PLCG2: variants seen among roughly 807,000 people sequenced by gnomAD.
PLCG2 encodes phospholipase C gamma 2, also known as 1-phosphatidylinositol 4,5-bisphosphate phosphodiesterase gamma-2.
PLCG2 carries 69 observed loss-of-function variants against 175.6 expected under a neutral mutation model. That is an observed-to-expected ratio of 0.39 (90% CI 0.32 to 0.48). The LOEUF is 0.48. Among genes scored for constraint, PLCG2 ranks in the 20% least tolerant of loss-of-function variants. The pLI, the probability that PLCG2 is intolerant of heterozygous loss-of-function variation, is 0.91. For missense variants in PLCG2, 1,798 were observed against 1,650.9 expected (o/e 1.09, Z -1.54); for synonymous variants, 827 against 624.0 (o/e 1.33, Z -4.85).
chr16:81,848,800 A>G (rs149020018), intron 2 of PLCG2, among the ~76,000 whole-genome samples: 37 of 152,290 alleles, frequency 2.4e-4, no homozygotes, highest in Non-Finnish European at 4.4e-4. Flanking sequence ...CTTACAGTCT[A>G]GGAAAGGAGG....
chr16:81,891,575 C>T lies in PLCG2; in HGVS notation c.971C>T (p.Ser324Phe). ...MNNPLSHYWI[S>F]SSHNTYLTGD... Reference sequence around the variant, plus strand: ...AACCCCCTGTCTCATTACTGGATCTCCTCGTCACATAACACGTGAGTTTCA... The same window carrying T: ...AACCCCCTGTCTCATTACTGGATCTTCTCGTCACATAACACGTGAGTTTCA... The change falls in exon 11 of 33, where the codon TCC (serine) becomes TTC (phenylalanine). Residue 324 changes from serine (S) to phenylalanine (F), a missense_variant. Coordinates refer to ENST00000564138, the MANE Select transcript of PLCG2 (RefSeq NM_002661.5). 6.3e-7 allele frequency: 1 copy of T among 1,584,644 alleles called. No homozygotes were observed. Among genetic ancestry groups the T allele is most frequent in the Non-Finnish European group, 8.7e-7 (1 of 1,153,380 alleles).
intron 25 of PLCG2, among the ~76,000 whole-genome samples, chr16:81,933,367 C>T (rs968420432): frequency 1.3e-5 from 2 of 152,166 alleles, no homozygotes; most frequent in African/African-American, 4.8e-5. Flanking sequence ...CGGATAAACT[C>T]TTTGTCACTG....
At chr16:81,770,314 T>C (rs1358853571) in intron 2 of PLCG2, among the ~76,000 whole-genome samples, 1 of 152,188 alleles carries the variant, frequency 6.6e-6, no homozygotes, top group Non-Finnish European at 1.5e-5. Flanking sequence ...TGAAACAGTT[T>C]TAGTTTTCTA....
intron 13 of PLCG2, among the ~76,000 whole-genome samples, chr16:81,899,076 C>A (rs1302464545): frequency 6.6e-6 from 1 of 152,090 alleles, no homozygotes; most frequent in African/African-American, 2.4e-5. Flanking sequence ...GTAATCTCAG[C>A]TACTCAGGAG....
At chr16:81,872,009 A>G (rs1021190879) in intron 7 of PLCG2, among the ~76,000 whole-genome samples, 2 of 152,206 alleles carry the variant, frequency 1.3e-5, no homozygotes, top group African/African-American at 4.8e-5. Flanking sequence ...TTACATCAGG[A>G]GTCAGGTCTG....
At chr16:81,880,674 A>C (rs938958992) in intron 7 of PLCG2, among the ~76,000 whole-genome samples, 2 of 152,230 alleles carry the variant, frequency 1.3e-5, no homozygotes, top group Admixed American at 6.5e-5. Flanking sequence ...TGAAATGCTT[A>C]AGGGTGACTG....
intron 2 of PLCG2, among the ~76,000 whole-genome samples, chr16:81,814,123 G>C (rs1904435593): frequency 6.6e-6 from 1 of 152,176 alleles, no homozygotes; most frequent in African/African-American, 2.4e-5. Context: ...ACCCAGGCTG[G>C]GGTCTGTGTG....
rs778393498 is a variant in PLCG2 at position 81,854,478 on chromosome 16, G to A, written c.228G>A (p.Gly76=). The A allele has an allele frequency of 3.7e-6, 6 of 1,614,004 alleles. No homozygotes were observed. In the South Asian group the frequency reaches 5.5e-5, roughly 15 times the overall value. The change falls in exon 3 of 33, where the codon GGG becomes GGA. Residue 76 remains glycine, a synonymous_variant. Coordinates refer to ENST00000564138, the MANE Select transcript of PLCG2 (RefSeq NM_002661.5). Reference sequence around the variant, plus strand: ...TGGAAATAAAAGAAATCCGCCCAGGGAAGAACTCCAAAGATTTCGAGCGAG... The same window carrying A: ...TGGAAATAAAAGAAATCCGCCCAGGAAAGAACTCCAAAGATTTCGAGCGAG... ...DIMEIKEIRP[G]KNSKDFERAK...
At chr16:81,928,659 C>G (rs931308952) in intron 24 of PLCG2, 35 bp downstream of exon 24, 2 of 1,437,132 alleles carry the variant, frequency 1.4e-6, no homozygotes, top group African/African-American at 1.4e-5. Context: ...TGGATTTCCA[C>G]CCCTATCCCC....
chr16:81,948,677 C>T (rs751479515), intron 31 of PLCG2, among the ~76,000 whole-genome samples: 7 of 152,114 alleles, frequency 4.6e-5, no homozygotes, highest in South Asian at 2.1e-4. Flanking sequence ...GAAAGATTTC[C>T]TTACACCTGG....
chr16:81,899,424 C>T (rs1160426737), intron 13 of PLCG2, among the ~76,000 whole-genome samples: 1 of 151,990 alleles, frequency 6.6e-6, no homozygotes, highest in African/African-American at 2.4e-5. Flanking sequence ...TTGGTGGATT[C>T]TACTTGCTAA....
chr16:81,921,880 T>C (rs1423120093), intron 21 of PLCG2, among the ~76,000 whole-genome samples: 1 of 152,218 alleles, frequency 6.6e-6, no homozygotes, highest in South Asian at 2.1e-4. Context: ...TTTTCAAAAA[T>C]TTATAATCCA....
At chr16:81,884,335 A>T (rs575635719) in intron 9 of PLCG2, among the ~76,000 whole-genome samples, 54 of 152,164 alleles carry the variant, frequency 3.5e-4, no homozygotes, top group African/African-American at 1.3e-3. Flanking sequence ...TGGGCAACAG[A>T]GCAAGACTCC....
chr16:81,933,765 TC>T (rs984001289), intron 25 of PLCG2, among the ~76,000 whole-genome samples: 8 of 151,998 alleles, frequency 5.3e-5, no homozygotes, highest in Admixed American at 2.6e-4. Context: ...TCTCTCAAGG[TC>T]CCCCCTTGGC....
At position 81,869,233 on chromosome 16, in the gene PLCG2, A is replaced by G; in HGVS notation, c.499A>G (p.Lys167Glu). The part of the protein sequence containing the change: ...RRNSISLREL[K>E]TILPLINFKV... The stretch of plus-strand genomic sequence containing the variant: ...TTGCAGCATCAGTCTCCGAGAGTTG[A>G]AGACCATCTTGCCCCTGATCAACTT... Residue 167 changes from lysine (K) to glutamate (E), a missense_variant, in exon 6 of 33, where the codon AAG (lysine) becomes GAG (glutamate). By Grantham distance (56) the Lys-to-Glu change is moderately conservative. Coordinates refer to ENST00000564138, the MANE Select transcript of PLCG2 (RefSeq NM_002661.5). 1 of 1,613,924 alleles carries G rather than the reference A, an allele frequency of 6.2e-7. No homozygotes were observed. Among genetic ancestry groups the G allele is most frequent in the Non-Finnish European group, 8.5e-7 (1 of 1,179,744 alleles).
rs1277518147 is a variant in PLCG2 at position 81,962,417 on chromosome 16, T to C, written c.*4419T>C. On this transcript the variant is annotated 3_prime_UTR_variant, in exon 33 of 33. Coordinates refer to ENST00000564138, the MANE Select transcript of PLCG2 (RefSeq NM_002661.5). ...AATAATTTGTCCCTGGTTTTTAATT[T>C]TCAAAATATTTTCTTTTTGAAGAGC... 2 of 213,522 alleles carry C rather than the reference T, an allele frequency of 9.4e-6. No individual in the cohort carries two copies. Among genetic ancestry groups the C allele is most frequent in the Non-Finnish European group, 1.9e-5 (2 of 105,894 alleles). The allele number at this position is 213,522 out of a possible 1,614,324, so 13.2% of individuals were successfully genotyped here. A position where few individuals can be genotyped will look rare whatever the true frequency, so the allele number is the denominator to read the frequency against.
At chr16:81,832,294 G>A (rs1905292624) in intron 2 of PLCG2, among the ~76,000 whole-genome samples, 1 of 152,194 alleles carries the variant, frequency 6.6e-6, no homozygotes, top group Non-Finnish European at 1.5e-5. Context: ...CCACATGGCA[G>A]CCACATTTTA....
intron 2 of PLCG2, among the ~76,000 whole-genome samples, chr16:81,801,874 T>C (rs1911735486): frequency 6.6e-6 from 1 of 151,884 alleles, no homozygotes; most frequent in Admixed American, 6.6e-5. Flanking sequence ...AGAGACGGGG[T>C]TTCACTATGT....
chr16:81,931,761 C>G, intron 25 of PLCG2, 107 bp downstream of exon 25: 1 of 902,238 alleles, frequency 1.1e-6, no homozygotes, highest in Non-Finnish European at 1.7e-6. Flanking sequence ...AGGCCCAGGT[C>G]CTACTCAGAA....
Sources: allele counts gnomAD v4.1 joint callset (sites outside exome capture counted in the v4.1 genomes callset), GRCh38; gene constraint gnomAD v4.1.1; transcripts MANE v1.5; gene names NCBI Gene and HGNC (gene_info 2026-07-23, HGNC 2026-07-21).